The following ANO10 variants were observed in gnomAD, a reference collection of about 807,000 sequenced individuals.
ANO10 encodes the protein anoctamin-10.
A neutral mutation model predicts 74.7 loss-of-function variants in ANO10; 77 were observed. That is an observed-to-expected ratio of 1.03 (90% CI 0.86 to 1.25). ANO10 has a LOEUF of 1.25. Ranked by LOEUF, ANO10 falls within the 50% of genes most tolerant of loss-of-function variation. The pLI, the probability that ANO10 is intolerant of heterozygous loss-of-function variation, is 0.00. For synonymous variants in ANO10, 279 were observed against 284.9 expected (o/e 0.98, Z 0.21); for missense variants, 721 against 778.1 (o/e 0.93, Z 0.87).
At chr3:43,643,576 G>A (rs1029771595) in intron 1 of ANO10, among the ~76,000 whole-genome samples, 2 of 150,788 alleles carry the variant, frequency 1.3e-5, no homozygotes, top group Admixed American at 1.3e-4. Flanking sequence ...ATTTCTTTTC[G>A]CTCTGTTCTC....
At chr3:43,538,178 G>A (rs754430747) in intron 11 of ANO10, among the ~76,000 whole-genome samples, 1 of 152,140 alleles carries the variant, frequency 6.6e-6, no homozygotes, top group Non-Finnish European at 1.5e-5. Context: ...GTTTCTAAAA[G>A]TGAAATTTGA....
chr3:43,422,268 C>G (rs2092830934), intron 12 of ANO10, among the ~76,000 whole-genome samples: 1 of 152,134 alleles, frequency 6.6e-6, no homozygotes. Context: ...AGGTGCGTGC[C>G]ACCATGCCCG....
chr3:43,488,983 T>C (rs1223985660), intron 11 of ANO10, among the ~76,000 whole-genome samples: 2 of 151,600 alleles, frequency 1.3e-5, no homozygotes, highest in Admixed American at 1.3e-4. Context: ...TGGAATACTA[T>C]GCAGCCATAA....
At position 43,576,925 on chromosome 3, in the gene ANO10, C is replaced by A; in HGVS notation, c.929G>T (p.Arg310Ile). The A allele has an allele frequency of 1.9e-6, 3 of 1,614,164 alleles. No individual in the cohort carries two copies. The highest frequency in any genetic ancestry group is 2.5e-6 in the Non-Finnish European group (3 of 1,180,036). The change falls in exon 6 of 13, where the codon AGA becomes ATA. Residue 310 changes from arginine (R) to isoleucine (I), a missense_variant. Transcript: ENST00000292246. ...GGAGACCAGGTAAATGCGCAACTGTCTCTTGTAGCTGGGGTACAGAGGCTC... is the reference window on the plus strand; with the variant it reads ...GGAGACCAGGTAAATGCGCAACTGTATCTTGTAGCTGGGGTACAGAGGCTC... ...KEEPLYPSYK[R>I]QLRIYLVSLP...
At position 43,432,674 on chromosome 3, in the gene ANO10, T is replaced by C. The variant is rs771400322; in HGVS notation, c.1851A>G (p.Pro617=). ...FILAFAIPDK[P]RHIQMKLARL... Reference sequence around the variant, plus strand: ...TGGCTAGTTTCATCTGGATATGCCGTGGCTTATCAGGTATGGCAAATGCAA... The same window carrying C: ...TGGCTAGTTTCATCTGGATATGCCGCGGCTTATCAGGTATGGCAAATGCAA... Residue 617 remains proline (P), a synonymous_variant, in exon 12 of 13, where the codon CCA becomes CCG. Transcript: ENST00000292246. 6.2e-7 allele frequency: 1 copy of C among 1,613,874 alleles called. No homozygotes were observed. The highest frequency in any genetic ancestry group is 2.2e-5 in the East Asian group (1 of 44,860).
At chr3:43,530,613 G>A (rs919914477) in intron 11 of ANO10, among the ~76,000 whole-genome samples, 2 of 151,964 alleles carry the variant, frequency 1.3e-5, no homozygotes, top group African/African-American at 2.4e-5. Flanking sequence ...GAGAAAGAAA[G>A]AGACCCCACA....
intron 9 of ANO10, 71 bp downstream of exon 9, chr3:43,561,149 A>G: frequency 6.6e-7 from 1 of 1,520,888 alleles, no homozygotes; most frequent in Non-Finnish European, 9.1e-7. Context: ...AATGTATAAC[A>G]TTTGTTGAAC....
chr3:43,455,895 G>C (rs375890547), intron 11 of ANO10, among the ~76,000 whole-genome samples: 1 of 151,952 alleles, frequency 6.6e-6, no homozygotes, highest in East Asian at 1.9e-4. Context: ...TTACTTGTTA[G>C]AGTAACATAT....
At chr3:43,505,008 G>T (rs917462523) in intron 11 of ANO10, among the ~76,000 whole-genome samples, 4 of 152,158 alleles carry the variant, frequency 2.6e-5, no homozygotes, top group African/African-American at 9.7e-5. Flanking sequence ...TTTCAAAGAA[G>T]ATGGTAAAAA....
At chr3:43,561,148 C>T (rs2080011681) in intron 9 of ANO10, 72 bp downstream of exon 9, 2 of 1,511,006 alleles carry the variant, frequency 1.3e-6, no homozygotes, top group Admixed American at 1.7e-5. Flanking sequence ...GAATGTATAA[C>T]ATTTGTTGAA....
chr3:43,504,368 A>G (rs893515545), intron 11 of ANO10, among the ~76,000 whole-genome samples: 1 of 152,038 alleles, frequency 6.6e-6, no homozygotes, highest in Non-Finnish European at 1.5e-5. Flanking sequence ...TTGGGGATCT[A>G]AAGTGTGATC....
chr3:43,594,231 C>G (rs925905599), intron 4 of ANO10, among the ~76,000 whole-genome samples: 6 of 152,084 alleles, frequency 3.9e-5, no homozygotes, highest in Non-Finnish European at 5.9e-5. Flanking sequence ...GGATATCCAG[C>G]AATTGAACTC....
intron 11 of ANO10, among the ~76,000 whole-genome samples, chr3:43,472,130 CAA>C (rs367562035): frequency 6.6e-6 from 1 of 151,850 alleles, no homozygotes; most frequent in African/African-American, 2.4e-5. Flanking sequence ...AAGTGAAAAA[CAA>C]ACAGACTTAA....
intron 11 of ANO10, among the ~76,000 whole-genome samples, chr3:43,470,137 A>G (rs1319601146): frequency 6.6e-6 from 1 of 152,258 alleles, no homozygotes; most frequent in Non-Finnish European, 1.5e-5. Context: ...ATATAATGAC[A>G]TATTACTCAG....
intron 7 of ANO10, among the ~76,000 whole-genome samples, chr3:43,571,578 C>T (rs1027891631): frequency 1.4e-4 from 22 of 151,732 alleles, no homozygotes; most frequent in African/African-American, 4.6e-4. Flanking sequence ...AGTAAACTAT[C>T]GCAAGAACAA....
chr3:43,691,110 AGCGGGCAG>A, intron 1 of ANO10: 1 of 1,425,254 alleles, frequency 7.0e-7, no homozygotes. Context: ...GTTAGGGCCC[AGCGGGCAG>A]CACCAAGGAG....
chr3:43,680,875 T>G (rs1380866515), intron 1 of ANO10, among the ~76,000 whole-genome samples: 1 of 152,076 alleles, frequency 6.6e-6, no homozygotes, highest in Non-Finnish European at 1.5e-5. Flanking sequence ...GACAAGCAAA[T>G]GCTGAGAGAT....
At chr3:43,411,938 G>A (rs1489005745) in intron 12 of ANO10, among the ~76,000 whole-genome samples, 1 of 151,410 alleles carries the variant, frequency 6.6e-6, no homozygotes, top group Non-Finnish European at 1.5e-5. Flanking sequence ...TGTTTGATTT[G>A]AGCTCCCTGT....
intron 12 of ANO10, among the ~76,000 whole-genome samples, chr3:43,422,644 G>C (rs1021701306): frequency 1.3e-5 from 2 of 152,098 alleles, no homozygotes; most frequent in Non-Finnish European, 2.9e-5. Context: ...TATCAATGGG[G>C]TGACTTGAAA....
Sources: allele counts gnomAD v4.1 joint callset (sites outside exome capture counted in the v4.1 genomes callset), GRCh38; gene constraint gnomAD v4.1.1; transcripts MANE v1.5; gene names NCBI Gene and HGNC (gene_info 2026-07-23, HGNC 2026-07-21).